Variants in KCNMA1 observed in about 807,000 individuals in gnomAD.
The protein encoded by KCNMA1 is Calcium-activated potassium channel subunit alpha-1.
Under a neutral mutation model 140.0 loss-of-function variants are expected in KCNMA1, and 29 were observed. The observed-to-expected ratio is 0.21, with a 90% CI of 0.15 to 0.28. The LOEUF is 0.28. Among genes scored for constraint, KCNMA1 ranks in the 10% least tolerant of loss-of-function variants. KCNMA1 has a pLI of 1.00. For synonymous variants in KCNMA1, 612 were observed against 611.9 expected (o/e 1.00, Z 0.00); for missense variants, 880 against 1,602.2 (o/e 0.55, Z 7.70).
chr10:77,177,387 TCTTCCTTCTTTCCTTC>T (rs996504088), intron 5 of KCNMA1, among the ~76,000 whole-genome samples: 5 of 150,802 alleles, frequency 3.3e-5, no homozygotes, highest in African/African-American at 1.2e-4. Flanking sequence ...TCCTTCACTT[TCTTCCTTCTTTCCTTC>T]CTTCCTTCTT....
chr10:77,001,329 C>G, intron 19 of KCNMA1, 78 bp downstream of exon 19: 1 of 1,367,472 alleles, frequency 7.3e-7, no homozygotes, highest in Non-Finnish European at 1.0e-6. Context: ...GACTCAGAAC[C>G]ACAGGGCACA....
chr10:77,288,512 A>G (rs1489901183), intron 2 of KCNMA1, among the ~76,000 whole-genome samples: 1 of 152,220 alleles, frequency 6.6e-6, no homozygotes, highest in Non-Finnish European at 1.5e-5. Context: ...GTAGCTTTAC[A>G]TGTATTGACT....
At chr10:77,411,385 A>G (rs954927006) in intron 1 of KCNMA1, among the ~76,000 whole-genome samples, 2 of 152,212 alleles carry the variant, frequency 1.3e-5, no homozygotes, top group African/African-American at 4.8e-5. Context: ...AGATATTACT[A>G]GTAAATAGTA....
chr10:77,012,655 C>T, intron 17 of KCNMA1: 1 of 956,614 alleles, frequency 1.0e-6, no homozygotes, highest in Non-Finnish European at 1.6e-6. Context: ...GCTGACTGGA[C>T]CAATTCCCAT....
At chr10:77,117,733 T>C (rs1295062303) in intron 6 of KCNMA1, among the ~76,000 whole-genome samples, 1 of 152,124 alleles carries the variant, frequency 6.6e-6, no homozygotes. Flanking sequence ...GTAGAATAAG[T>C]GTTCTAGCAC....
At chr10:77,035,577 T>TAGC (rs555042067) in intron 15 of KCNMA1, among the ~76,000 whole-genome samples, 1 of 152,260 alleles carries the variant, frequency 6.6e-6, no homozygotes, top group Non-Finnish European at 1.5e-5. Context: ...TCAAATCTAG[T>TAGC]AGCAGTTTCC....
intron 11 of KCNMA1, among the ~76,000 whole-genome samples, chr10:77,086,091 T>C (rs1211697166): frequency 6.6e-6 from 1 of 152,228 alleles, no homozygotes; most frequent in East Asian, 1.9e-4. Flanking sequence ...TTCTTTCAGA[T>C]GTAAATAATA....
intron 9 of KCNMA1, among the ~76,000 whole-genome samples, chr10:77,094,729 A>T (rs2153808312): frequency 6.6e-6 from 1 of 152,220 alleles, no homozygotes; most frequent in East Asian, 1.9e-4. Context: ...GAGACAGGGT[A>T]TTGCTCTGTT....
At chr10:77,418,218 G>C (rs921650076) in intron 1 of KCNMA1, among the ~76,000 whole-genome samples, 2 of 152,014 alleles carry the variant, frequency 1.3e-5, no homozygotes, top group Admixed American at 6.6e-5. Flanking sequence ...TTTCCTTCTC[G>C]ATCCCTAATG....
intron 1 of KCNMA1, among the ~76,000 whole-genome samples, chr10:77,492,093 G>A (rs1470973358): frequency 6.6e-6 from 1 of 152,198 alleles, no homozygotes; most frequent in East Asian, 1.9e-4. Context: ...AAGCCCCTCT[G>A]GTCTGTGACA....
intron 1 of KCNMA1, among the ~76,000 whole-genome samples, chr10:77,510,962 AT>A (rs2048170727): frequency 6.6e-6 from 1 of 152,246 alleles, no homozygotes. Context: ...TTAACAACAC[AT>A]GGAGTGAGCA....
intron 2 of KCNMA1, among the ~76,000 whole-genome samples, chr10:77,296,355 A>T (rs2075103731): frequency 6.6e-6 from 1 of 152,218 alleles, no homozygotes; most frequent in Non-Finnish European, 1.5e-5. Context: ...GCCAGCCTCC[A>T]GTCCTGCTGA....
At chr10:77,087,165 T>C (rs2096710779) in intron 10 of KCNMA1, among the ~76,000 whole-genome samples, 1 of 152,160 alleles carries the variant, frequency 6.6e-6, no homozygotes, top group Non-Finnish European at 1.5e-5. Flanking sequence ...GTCATTCTCC[T>C]ATCCTTGGAC....
intron 3 of KCNMA1, among the ~76,000 whole-genome samples, chr10:77,186,423 G>T: frequency 6.6e-6 from 1 of 151,922 alleles, no homozygotes; most frequent in East Asian, 1.9e-4. Context: ...GTAGGGAATT[G>T]GGTAGAAAGA....
chr10:77,456,753 T>C (rs1250014495), intron 1 of KCNMA1, among the ~76,000 whole-genome samples: 1 of 152,122 alleles, frequency 6.6e-6, no homozygotes, highest in East Asian at 1.9e-4. Context: ...GTCTGTGTGC[T>C]TGAGATCAGG....
intron 1 of KCNMA1, among the ~76,000 whole-genome samples, chr10:77,541,933 G>A (rs2060273927): frequency 6.6e-6 from 1 of 152,068 alleles, no homozygotes; most frequent in Non-Finnish European, 1.5e-5. Flanking sequence ...AAACATGGAG[G>A]GTATCTTTAG....
chr10:77,170,829 A>T (rs1053587617), intron 5 of KCNMA1, among the ~76,000 whole-genome samples: 2 of 152,204 alleles, frequency 1.3e-5, no homozygotes, highest in African/African-American at 4.8e-5. Flanking sequence ...AATACCTTAG[A>T]AGGGGATTAC....
At chr10:77,168,581 T>G (rs1304247222) in intron 5 of KCNMA1, among the ~76,000 whole-genome samples, 3 of 152,204 alleles carry the variant, frequency 2.0e-5, no homozygotes, top group Non-Finnish European at 2.9e-5. Flanking sequence ...AAAATACATA[T>G]TATAAGCTTA....
chr10:77,445,777 C>T (rs1219920390), intron 1 of KCNMA1, among the ~76,000 whole-genome samples: 1 of 152,158 alleles, frequency 6.6e-6, no homozygotes, highest in Non-Finnish European at 1.5e-5. Context: ...TCACAGTCAT[C>T]GGTCAAGCTG....
Sources: gnomAD v4.1 joint callset for allele counts (sites outside exome capture counted in the v4.1 genomes callset) on GRCh38, gnomAD v4.1.1 for gene constraint, MANE v1.5 for transcripts, NCBI Gene and HGNC (gene_info 2026-07-23, HGNC 2026-07-21) for gene names.